CAPSL: variants seen among roughly 807,000 people sequenced by gnomAD.
CAPSL encodes calcyphosine like, also known as calcyphosin-like protein.
CAPSL carries 17 observed loss-of-function variants against 21.3 expected under a neutral mutation model. That is an observed-to-expected ratio of 0.80 (90% confidence interval 0.55 to 1.20). CAPSL has a LOEUF of 1.20. CAPSL is among the 50% of genes most tolerant of loss of function. CAPSL has a pLI of 0.00. For missense variants in CAPSL, 289 were observed against 259.3 expected, an observed-to-expected ratio of 1.11 and a Z score of -0.79; for synonymous variants, 102 against 89.3, an observed-to-expected ratio of 1.14 and a Z score of -0.80.
intron 2 of CAPSL, 32 bp downstream of exon 2, chr5:35,920,947 CCCGCT>C (rs1339337530): frequency 6.2e-6 from 10 of 1,606,724 alleles, no homozygotes; most frequent in Non-Finnish European, 6.8e-6. Context: ...GTCATTCCTT[CCCGCT>C]CCATTCCCTG....
At chr5:35,911,301 A>T (rs1333002354) in intron 2 of CAPSL, among the ~76,000 whole-genome samples, 1 of 152,240 alleles carries the variant, frequency 6.6e-6, no homozygotes, top group East Asian at 1.9e-4. Context: ...GGGAAAAGGG[A>T]AGCAACTTTA....
intron 2 of CAPSL, among the ~76,000 whole-genome samples, chr5:35,916,333 C>T (rs370124304): frequency 7.9e-5 from 12 of 152,006 alleles, no homozygotes; most frequent in East Asian, 1.9e-4. Flanking sequence ...AAGCTACCAA[C>T]GACTTTCTTC....
intron 2 of CAPSL, among the ~76,000 whole-genome samples, chr5:35,915,405 C>G (rs1383129818): frequency 6.6e-6 from 1 of 151,904 alleles, no homozygotes; most frequent in Non-Finnish European, 1.5e-5. Context: ...GAGACACAAC[C>G]AAAAAAGAGA....
At chr5:35,921,231 G>A (rs1416942942) in intron 1 of CAPSL, 111 bp from the exon 2 acceptor site, 1 of 1,345,672 alleles carries the variant, frequency 7.4e-7, no homozygotes, top group African/African-American at 1.5e-5. Flanking sequence ...TCTCTGTCAG[G>A]AAACCTCTCA....
chr5:35,910,866 A>C (rs566598503), intron 2 of CAPSL, among the ~76,000 whole-genome samples: 1 of 152,230 alleles, frequency 6.6e-6, no homozygotes, highest in Non-Finnish European at 1.5e-5. Flanking sequence ...TTATAATACT[A>C]TGATGGTGGA....
At chr5:35,927,175 G>C (rs1023932921) in intron 1 of CAPSL, among the ~76,000 whole-genome samples, 1 of 152,146 alleles carries the variant, frequency 6.6e-6, no homozygotes, top group South Asian at 2.1e-4. Context: ...GAGACAGCAC[G>C]TACTGTGAGG....
chr5:35,910,539 A>G lies in CAPSL; in HGVS notation c.142T>C (p.Phe48Leu). 1 of 1,597,996 alleles carries G rather than the reference A, an allele frequency of 6.3e-7. No individual in the cohort carries two copies. The highest frequency in any genetic ancestry group is 8.6e-7 in the Non-Finnish European group (1 of 1,168,712). Residue 48 changes from phenylalanine to leucine, a missense_variant, in exon 3 of 5, where the codon TTT becomes CTT. By Grantham distance (22) the Phe-to-Leu change is conservative. Transcript: ENST00000651391. ...SAGIKGLGRV[F>L]RIMDDDNNRT... ...TTATTATCGTCATCCATAATTCTAA[A>G]CACTCTGAAGAAAATACACACAAAA...
intron 2 of CAPSL, among the ~76,000 whole-genome samples, chr5:35,914,526 A>G (rs1284463854): frequency 6.6e-6 from 1 of 152,236 alleles, no homozygotes; most frequent in African/African-American, 2.4e-5. Context: ...ACCACAGTGC[A>G]ATCAAACTAG....
At position 35,910,000 on chromosome 5, in the gene CAPSL, T is replaced by C; in HGVS notation, c.391A>G (p.Ile131Val). 6.2e-7 allele frequency: 1 copy of C among 1,613,880 alleles called. No homozygotes were observed. Among genetic ancestry groups the C allele is most frequent in the Non-Finnish European group, 8.5e-7 (1 of 1,179,904 alleles). Residue 131 changes from isoleucine (I) to valine (V), a missense_variant, in exon 4 of 5, where the codon ATA becomes GTA. By Grantham distance (29) the Ile-to-Val change is conservative. Coordinates refer to ENST00000651391, the MANE Select transcript of CAPSL (RefSeq NM_001042625.2). ...ACTTCACGAAGGTCTTCGATTGTTA[T>C]AACACCATCTCCAGTCTTGTCTAAC... Reference protein sequence around the residue: ...RKLDKTGDGVITIEDLREVYN... With the variant: ...RKLDKTGDGVVTIEDLREVYN...
chr5:35,908,795 A>G (rs78683337), intron 4 of CAPSL, among the ~76,000 whole-genome samples: 1 of 152,342 alleles, frequency 6.6e-6, no homozygotes, highest in African/African-American at 2.4e-5. Context: ...AAATGTCAGC[A>G]GGAAGAACAG....
chr5:35,932,498 A>T (rs1348882945), intron 1 of CAPSL, among the ~76,000 whole-genome samples: 1 of 152,158 alleles, frequency 6.6e-6, no homozygotes, highest in Non-Finnish European at 1.5e-5. Flanking sequence ...CAGAAGATTC[A>T]CCCAATTCCT....
At chr5:35,907,150 A>C (rs1378880928) in intron 4 of CAPSL, among the ~76,000 whole-genome samples, 2 of 152,176 alleles carry the variant, frequency 1.3e-5, no homozygotes, top group Non-Finnish European at 2.9e-5. Context: ...GGCTACCTTT[A>C]TGTGACAAGA....
chr5:35,937,849 A>C lies in CAPSL; in HGVS notation c.-1+692T>G, dbSNP rs554543959. On this transcript the variant is annotated intron_variant, in intron 1 of 4. Transcript: ENST00000651391. Reference sequence around the variant, plus strand: ...GGAAAAAATAAGTCAAAAAAAAAAAACAGGTAAGAATTTCATCTACTTAAT... The same window carrying C: ...GGAAAAAATAAGTCAAAAAAAAAAACCAGGTAAGAATTTCATCTACTTAAT... Among the ~76,000 whole-genome samples, 7 of 151,708 alleles carry C rather than the reference A, an allele frequency of 4.6e-5. No homozygotes were observed. The South Asian group carries it at 1.3e-3, about 27-fold the overall frequency.
chr5:35,931,684 A>G (rs1294481242), intron 1 of CAPSL, among the ~76,000 whole-genome samples: 1 of 152,218 alleles, frequency 6.6e-6, no homozygotes, highest in African/African-American at 2.4e-5. Flanking sequence ...TTAAAGAAAC[A>G]GAGTAAGAAG....
Position 35,929,279 on chromosome 5 carries a change from CTTTTT to C in CAPSL, c.1-8164_1-8160del, listed in dbSNP as rs10574026. Among the ~76,000 whole-genome samples, 21 of 117,660 alleles carry C rather than the reference CTTTTT, an allele frequency of 1.8e-4. No homozygotes were observed. The East Asian group carries it at 2.8e-3, about 16-fold the overall frequency. The allele number at this position is 117,660 out of a possible 152,430, so 77.2% of individuals were successfully genotyped here. On this transcript the variant is annotated intron_variant, in intron 1 of 4. Transcript: ENST00000651391. ...GCAGAGCCAGGGTTGAAAACAGTTC[CTTTTT>C]TTTTTTTTTTTTTTTTCTGAAACAG...
At chr5:35,911,684 T>A (rs1738227260) in intron 2 of CAPSL, among the ~76,000 whole-genome samples, 1 of 152,210 alleles carries the variant, frequency 6.6e-6, no homozygotes, top group African/African-American at 2.4e-5. Context: ...ATTATGGGCC[T>A]TAGTTAATAA....
rs761357208 is a variant in CAPSL at position 35,909,872 on chromosome 5, A to G, written c.519T>C (p.Asp173=). 1.1e-5 allele frequency: 18 copies of G among 1,608,932 alleles called. No individual in the cohort carries two copies. The highest frequency in any genetic ancestry group is 1.4e-5 in the Non-Finnish European group (16 of 1,178,680). ...ATTAGGCTCTTTTACTTACCAATCCATCTTTGTCATAGGGTGAATCAAAGT... is the reference window on the plus strand; with the variant it reads ...ATTAGGCTCTTTTACTTACCAATCCGTCTTTGTCATAGGGTGAATCAAAGT... The part of the protein sequence containing the change: ...LDNFDSPYDK[D]GLVTPEEFMN... The change falls in exon 4 of 5, where the codon GAT becomes GAC. Residue 173 remains aspartate (D), a synonymous_variant. Coordinates refer to ENST00000651391, the MANE Select transcript of CAPSL (RefSeq NM_001042625.2).
intron 2 of CAPSL, among the ~76,000 whole-genome samples, chr5:35,918,297 T>A (rs536116729): frequency 6.6e-6 from 1 of 152,224 alleles, no homozygotes; most frequent in Non-Finnish European, 1.5e-5. Flanking sequence ...GATGAGTTCA[T>A]GTCCTTTGCA....
chr5:35,934,484 G>C (rs761585703), intron 1 of CAPSL, among the ~76,000 whole-genome samples: 1 of 152,216 alleles, frequency 6.6e-6, no homozygotes, highest in East Asian at 1.9e-4. Flanking sequence ...TCCATAAACT[G>C]TGTTAACCAC....
Sources: gnomAD v4.1 joint callset for allele counts (sites outside exome capture counted in the v4.1 genomes callset) on GRCh38, gnomAD v4.1.1 for gene constraint, MANE v1.5 for transcripts, NCBI Gene and HGNC (gene_info 2026-07-23, HGNC 2026-07-21) for gene names.